Variants in HAPLN1 observed in about 807,000 individuals in gnomAD.
HAPLN1 encodes the protein Cartilage link protein.
HAPLN1 carries 13 observed loss-of-function variants against 36.5 expected under a neutral mutation model. The ratio of observed to expected loss-of-function variants is 0.36; its 90% CI spans 0.23 to 0.57. The LOEUF (loss-of-function observed/expected upper bound fraction) is 0.57. Ranked by LOEUF, HAPLN1 falls within the 20% of genes least tolerant of loss-of-function variation. The pLI, the probability that HAPLN1 is intolerant of heterozygous loss-of-function variation, is 0.83. For synonymous variants in HAPLN1, 202 were observed against 169.8 expected (o/e 1.19, Z -1.48); for missense variants, 407 against 439.7 (o/e 0.93, Z 0.66).
chr5:83,694,186 T>A (rs964250067), intron 1 of HAPLN1, among the ~76,000 whole-genome samples: 1 of 151,840 alleles, frequency 6.6e-6, no homozygotes, highest in Non-Finnish European at 1.5e-5. Flanking sequence ...GCACAAAATT[T>A]TAAATAACCC....
chr5:83,642,803 A>C (rs1227157228), intron 4 of HAPLN1, among the ~76,000 whole-genome samples: 1 of 152,210 alleles, frequency 6.6e-6, no homozygotes, highest in Non-Finnish European at 1.5e-5. Flanking sequence ...CTAGAGGTTA[A>C]GTACAATCAT....
At chr5:83,689,236 G>C (rs968756243) in intron 1 of HAPLN1, among the ~76,000 whole-genome samples, 5 of 151,998 alleles carry the variant, frequency 3.3e-5, no homozygotes, top group Admixed American at 3.3e-4. Flanking sequence ...AGGGATCGGT[G>C]GATTTAGCTA....
chr5:83,705,387 C>CAAAAAAAAAAAAAAA (rs762927081), intron 1 of HAPLN1, among the ~76,000 whole-genome samples: 6 of 85,412 alleles, frequency 7.0e-5, no homozygotes, highest in African/African-American at 9.6e-5. Flanking sequence ...TGAAACGTCA[C>CAAAAAAAAAAAAAAA]AAAAAAAAAA....
chr5:83,673,754 C>T, intron 1 of HAPLN1: 1 of 469,644 alleles, frequency 2.1e-6, no homozygotes, highest in Non-Finnish European at 3.7e-6. Context: ...TAGCCAGAGT[C>T]CAAATAGTGT....
chr5:83,720,640 T>G (rs1483337050), intron 1 of HAPLN1, 149 bp downstream of exon 1: 1 of 152,162 alleles, frequency 6.6e-6, no homozygotes, highest in African/African-American at 2.4e-5. Flanking sequence ...AAAGTTGAGG[T>G]GTCATATTAA....
At chr5:83,672,801 T>A (rs775681123) in intron 2 of HAPLN1, among the ~76,000 whole-genome samples, 4 of 152,208 alleles carry the variant, frequency 2.6e-5, no homozygotes, top group Non-Finnish European at 5.9e-5. Context: ...GTCTCAGCTT[T>A]CTTAATGCAG....
rs56976276 is a variant in HAPLN1 at position 83,695,064 on chromosome 5, A to G, written c.-26-21515T>C. On this transcript the variant is annotated intron_variant, in intron 1 of 4. Coordinates refer to ENST00000274341, the MANE Select transcript of HAPLN1 (RefSeq NM_001884.4). ...CCAAAAAGATATAAAATGGATTAAT[A>G]CAAAATGGGGTTTATCCCAGAAATT... 5.4e-3 allele frequency among the ~76,000 whole-genome samples: 830 copies of G among 152,354 alleles called. 8 individuals carry two copies. Among genetic ancestry groups the G allele is most frequent in the African/African-American group, 0.019 (789 of 41,588 alleles).
At chr5:83,686,638 C>T (rs571371764) in intron 1 of HAPLN1, among the ~76,000 whole-genome samples, 33 of 152,118 alleles carry the variant, frequency 2.2e-4, no homozygotes, top group Non-Finnish European at 4.3e-4. Context: ...TGTAATACAT[C>T]AAATTCAACA....
chr5:83,648,359 G>A (rs1366503370), intron 3 of HAPLN1, among the ~76,000 whole-genome samples: 1 of 130,612 alleles, frequency 7.7e-6, no homozygotes, highest in East Asian at 2.4e-4. Context: ...GGTACTCTAG[G>A]ATATAGGTAT....
At chr5:83,667,788 A>G (rs1242665435) in intron 2 of HAPLN1, among the ~76,000 whole-genome samples, 1 of 152,238 alleles carries the variant, frequency 6.6e-6, no homozygotes, top group Non-Finnish European at 1.5e-5. Flanking sequence ...CAGTTATTAC[A>G]TAAGGAACAG....
chr5:83,649,775 A>G (rs554170037), intron 3 of HAPLN1, among the ~76,000 whole-genome samples: 4 of 152,296 alleles, frequency 2.6e-5, no homozygotes, highest in Admixed American at 6.5e-5. Context: ...AATGGTTTCC[A>G]TGACTCCCAC....
intron 1 of HAPLN1, among the ~76,000 whole-genome samples, chr5:83,676,657 T>C (rs1750867344): frequency 6.6e-6 from 1 of 152,214 alleles, no homozygotes; most frequent in African/African-American, 2.4e-5. Flanking sequence ...CATTTTGTAA[T>C]CATGCCTCCT....
intron 1 of HAPLN1, among the ~76,000 whole-genome samples, chr5:83,704,485 A>G (rs1342201882): frequency 3.3e-5 from 5 of 152,202 alleles, no homozygotes; most frequent in African/African-American, 7.2e-5. Context: ...GCAAGACTCA[A>G]TGGTATGCTG....
In HAPLN1 at chr5:83,668,237, A is replaced by G. The variant is rs140900470; in HGVS notation, c.100+5187T>C. Among the ~76,000 whole-genome samples, 513 of 152,318 alleles carry G rather than the reference A, an allele frequency of 3.4e-3. 3 individuals are homozygous for G. Among genetic ancestry groups the G allele is most frequent in the African/African-American group, 0.012 (481 of 41,572 alleles). On this transcript the variant is annotated intron_variant, in intron 2 of 4. Transcript: ENST00000274341. The stretch of plus-strand genomic sequence containing the variant: ...ACAATTACATAAAAATAAGTAGAGT[A>G]TACAGCCAGTGCTACAGAGAGAAAG...
chr5:83,703,440 T>A (rs2112631475), intron 1 of HAPLN1: 1 of 152,328 alleles, frequency 6.6e-6, no homozygotes, highest in South Asian at 2.1e-4. Flanking sequence ...CTTTAATATC[T>A]AATTTCTGTG....
chr5:83,660,604 T>C (rs748267056), intron 2 of HAPLN1, among the ~76,000 whole-genome samples: 3 of 152,000 alleles, frequency 2.0e-5, no homozygotes, highest in Non-Finnish European at 4.4e-5. Flanking sequence ...CTCCTCTTAA[T>C]TCTCTTTTCT....
At chr5:83,704,527 A>G (rs1482202544) in intron 1 of HAPLN1, among the ~76,000 whole-genome samples, 1 of 152,134 alleles carries the variant, frequency 6.6e-6, no homozygotes, top group African/African-American at 2.4e-5. Context: ...ACATAACAAC[A>G]CCCATAAGCT....
chr5:83,672,292 A>G (rs2112597330), intron 2 of HAPLN1, among the ~76,000 whole-genome samples: 1 of 152,316 alleles, frequency 6.6e-6, no homozygotes, highest in Admixed American at 6.5e-5. Flanking sequence ...AGAAATCTCT[A>G]TGTGTAAATA....
At chr5:83,669,430 C>CA (rs1217713836) in intron 2 of HAPLN1, among the ~76,000 whole-genome samples, 2 of 152,046 alleles carry the variant, frequency 1.3e-5, no homozygotes. Context: ...ACCTGGGAGG[C>CA]AGAGGTTGCA....
Sources: gnomAD v4.1 joint callset for allele counts (sites outside exome capture counted in the v4.1 genomes callset) on GRCh38, gnomAD v4.1.1 for gene constraint, MANE v1.5 for transcripts, NCBI Gene and HGNC (gene_info 2026-07-23, HGNC 2026-07-21) for gene names.